The following CACNG2 variants were observed in gnomAD, a reference collection of about 807,000 sequenced individuals.
CACNG2 encodes voltage-dependent calcium channel gamma-2 subunit.
Under a neutral mutation model 25.9 loss-of-function variants are expected in CACNG2, and 3 were observed. The observed-to-expected ratio is 0.12, with a 90% CI of 0.05 to 0.30. The LOEUF (loss-of-function observed/expected upper bound fraction) is 0.30. Among genes scored for constraint, CACNG2 ranks in the 10% least tolerant of loss-of-function variants. The pLI is 1.00. For missense variants in CACNG2, 341 were observed against 432.5 expected, an observed-to-expected ratio of 0.79 and a Z score of 1.88; for synonymous variants, 167 against 173.3, an observed-to-expected ratio of 0.96 and a Z score of 0.29.
intron 1 of CACNG2, among the ~76,000 whole-genome samples, chr22:36,621,415 C>T (rs1410152459): frequency 6.6e-6 from 1 of 151,916 alleles, no homozygotes; most frequent in African/African-American, 2.4e-5. Flanking sequence ...ACTAAAAATA[C>T]AAAAATTAGC....
chr22:36,701,169 AT>A (rs1937407076), intron 1 of CACNG2, among the ~76,000 whole-genome samples: 1 of 152,140 alleles, frequency 6.6e-6, no homozygotes, highest in Non-Finnish European at 1.5e-5. Flanking sequence ...GGCCCCCAGT[AT>A]TGGTTCATAA....
chr22:36,655,726 T>TC (rs1569042514), intron 1 of CACNG2, among the ~76,000 whole-genome samples: 5 of 148,914 alleles, frequency 3.4e-5, no homozygotes, highest in African/African-American at 1.3e-4. Flanking sequence ...TTTCTTTCTT[T>TC]TCTTTCTTTC....
Position 36,574,690 on chromosome 22 carries a change from G to A in CACNG2, c.296-8197C>T, listed in dbSNP as rs369340633. 7.2e-5 allele frequency among the ~76,000 whole-genome samples: 11 copies of A among 152,336 alleles called. No homozygotes were observed. In the South Asian group the frequency reaches 2.3e-3, roughly 32 times the overall value. ...CCAGCTACTTGGGAAGCTGAGGCAG[G>A]AGAATTGCTTGAACCTGGGAGGTGG... is the stretch of plus-strand genomic sequence containing the variant. On this transcript the variant is annotated intron_variant, in intron 2 of 3. Transcript: ENST00000300105.
intron 1 of CACNG2, among the ~76,000 whole-genome samples, chr22:36,699,316 G>GT (rs1489829562): frequency 2.0e-5 from 3 of 151,430 alleles, no homozygotes; most frequent in East Asian, 2.0e-4. Flanking sequence ...AAGGGTGGTG[G>GT]TTTTTTCCCT....
rs1381232276 is a variant in CACNG2, at chr22:36,563,149, T to TC, written c.*1201dup. ...TTAAAAAAAAATCACCACTTGTTTT[T>TC]CCTTTTTCTTTTGTAAAAAGAAGCC... On this transcript the variant is annotated 3_prime_UTR_variant, in exon 4 of 4. Transcript: ENST00000300105. Among the ~76,000 whole-genome samples, 11 of 152,210 alleles carry TC rather than the reference T, an allele frequency of 7.2e-5. No individual in the cohort carries two copies. The highest frequency in any genetic ancestry group is 2.7e-4 in the African/African-American group (11 of 41,450).
chr22:36,685,462 A>G (rs12160367), intron 1 of CACNG2, among the ~76,000 whole-genome samples: 8,218 of 151,994 alleles, frequency 0.054, 793 homozygotes, highest in African/African-American at 0.19. Context: ...AAAGCCGCTG[A>G]CTTAGACCTG....
At chr22:36,638,365 C>T (rs1308324629) in intron 1 of CACNG2, among the ~76,000 whole-genome samples, 2 of 152,168 alleles carry the variant, frequency 1.3e-5, no homozygotes, top group Non-Finnish European at 1.5e-5. Context: ...ATTGAGGGCA[C>T]GAGGGACTGC....
chr22:36,666,563 T>C (rs767253433), intron 1 of CACNG2, among the ~76,000 whole-genome samples: 1 of 152,076 alleles, frequency 6.6e-6, no homozygotes, highest in Non-Finnish European at 1.5e-5. Flanking sequence ...GACAAAGTTG[T>C]AGTTTTACAA....
chr22:36,600,551 G>T (rs1279098598), intron 1 of CACNG2, among the ~76,000 whole-genome samples: 7 of 141,978 alleles, frequency 4.9e-5, no homozygotes, highest in African/African-American at 7.8e-5. Context: ...TTTTAAATTT[G>T]TTTTTTTTTT....
At chr22:36,685,006 G>A (rs1253903012) in intron 1 of CACNG2, among the ~76,000 whole-genome samples, 1 of 152,150 alleles carries the variant, frequency 6.6e-6, no homozygotes, top group Non-Finnish European at 1.5e-5. Context: ...GTGGTGTGTG[G>A]TCCTGCCGTC....
chr22:36,668,815 T>C (rs1936909096), intron 1 of CACNG2, among the ~76,000 whole-genome samples: 1 of 152,122 alleles, frequency 6.6e-6, no homozygotes, highest in African/African-American at 2.4e-5. Flanking sequence ...GTGTAAGTCT[T>C]GCTCTGAGTC....
chr22:36,688,273 G>A lies in CACNG2; in HGVS notation c.211+14093C>T, dbSNP rs533228605. Among the ~76,000 whole-genome samples, 5 of 152,244 alleles carry A rather than the reference G, an allele frequency of 3.3e-5. No individual in the cohort carries two copies. The East Asian group carries it at 9.6e-4, about 29-fold the overall frequency. ...TGTTAGCTGAAATGGGCTGGGTGCA[G>A]TGGCTCACGCCCTGTAATCCCAGCA... On this transcript the variant is annotated intron_variant, in intron 1 of 3. Transcript: ENST00000300105.
chr22:36,701,695 G>C (rs1051648264), intron 1 of CACNG2, among the ~76,000 whole-genome samples: 3 of 152,178 alleles, frequency 2.0e-5, no homozygotes, highest in Admixed American at 6.5e-5. Flanking sequence ...TTTCCTGTGA[G>C]AGACGTATGT....
intron 1 of CACNG2, among the ~76,000 whole-genome samples, chr22:36,594,718 TGTGTGTGTGTCTGTGTGTGCATGG>T (rs1935647655): frequency 1.3e-5 from 2 of 150,470 alleles, no homozygotes; most frequent in South Asian, 2.1e-4. Flanking sequence ...TGTGTGTGCA[TGTGTGTGTGTCTGTGTGTGCATGG>T]GTGTGTGTGC....
intron 1 of CACNG2, among the ~76,000 whole-genome samples, chr22:36,629,299 A>G (rs1314967314): frequency 1.3e-5 from 2 of 151,990 alleles, no homozygotes. Context: ...CATTCACTCA[A>G]TAGGCAGTCA....
At chr22:36,578,357 C>CAA (rs3076266) in intron 2 of CACNG2, among the ~76,000 whole-genome samples, 54,740 of 129,652 alleles carry the variant, frequency 0.42, 11,666 homozygotes, top group East Asian at 0.5. Flanking sequence ...GACTCAATCT[C>CAA]AAAAAAAAAA....
At chr22:36,617,823 G>A (rs1195614127) in intron 1 of CACNG2, among the ~76,000 whole-genome samples, 1 of 151,080 alleles carries the variant, frequency 6.6e-6, no homozygotes, top group Non-Finnish European at 1.5e-5. Context: ...CTGCGTTTGA[G>A]GAGCTCTGGG....
rs1569049917 is a variant in CACNG2 at position 36,679,231 on chromosome 22, C to CTTTCTTTCTTTCT, written c.211+23134_211+23135insAGAAAGAAAGAAA. ...CTTTCTTTCTTTCTTTCTTTCTTTC[C>CTTTCTTTCTTTCT]TTCTTTCTTTCTTTCTTTTCTTTAA... On this transcript the variant is annotated intron_variant, in intron 1 of 3. Transcript: ENST00000300105. Among the ~76,000 whole-genome samples the CTTTCTTTCTTTCT allele has an allele frequency of 1.6e-3, 137 of 86,620 alleles. 6 individuals are homozygous for CTTTCTTTCTTTCT. Among genetic ancestry groups the CTTTCTTTCTTTCT allele is most frequent in the African/African-American group, 6.1e-3 (105 of 17,306 alleles). The allele number at this position is 86,620 out of a possible 152,430, so 56.8% of individuals were successfully genotyped here.
chr22:36,570,400 C>G (rs1298746039), intron 2 of CACNG2, among the ~76,000 whole-genome samples: 1 of 152,176 alleles, frequency 6.6e-6, no homozygotes, highest in Non-Finnish European at 1.5e-5. Context: ...CAAACAGAAG[C>G]CTCTTCGGCA....
Sources: gnomAD v4.1 joint callset for allele counts (sites outside exome capture counted in the v4.1 genomes callset) on GRCh38, gnomAD v4.1.1 for gene constraint, MANE v1.5 for transcripts, NCBI Gene and HGNC (gene_info 2026-07-23, HGNC 2026-07-21) for gene names.